The following KCNC1 variants were observed in gnomAD, a reference collection of about 807,000 sequenced individuals.
The protein encoded by KCNC1 is potassium voltage-gated channel subfamily C member 1.
A neutral mutation model predicts 43.4 loss-of-function variants in KCNC1; 8 were observed. That is an observed-to-expected ratio of 0.18 (90% confidence interval 0.11 to 0.33). The LOEUF (loss-of-function observed/expected upper bound fraction) is 0.33. Ranked by LOEUF, KCNC1 falls within the 10% of genes least tolerant of loss-of-function variation. KCNC1 has a pLI of 1.00. For missense variants in KCNC1, 420 were observed against 836.0 expected, an observed-to-expected ratio of 0.50 and a Z score of 6.14; for synonymous variants, 361 against 360.5, an observed-to-expected ratio of 1.00 and a Z score of -0.01.
rs1849319414 is a variant in KCNC1, at chr11:17,779,252, G to A, written c.1505-204G>A. The stretch of plus-strand genomic sequence containing the variant: ...AGGAGTCCCCACTCCCAGCACTGTG[G>A]GCAGCCCGAAGGCTGCCTGAATGAG... On this transcript the variant is annotated intron_variant, in intron 2 of 3. Transcript: ENST00000265969. This position sits in a 1 kb window ranked among gnomAD's most constrained non-coding sequence, Gnocchi z 7.2. 7.6e-6 allele frequency: 4 copies of A among 529,016 alleles called. No homozygotes were observed. In the East Asian group the frequency reaches 1.2e-4, roughly 16 times the overall value. 32.8% of individuals were successfully genotyped at this position (529,016 alleles called of 1,614,324 possible). A position where few individuals can be genotyped will look rare whatever the true frequency, so the allele number is the denominator to read the frequency against.
At chr11:17,767,137 A>G (rs11024392) in intron 1 of KCNC1, among the ~76,000 whole-genome samples, 16,735 of 150,942 alleles carry the variant, frequency 0.11, 1,043 homozygotes, top group African/African-American at 0.13. Context: ...GTCTTAAAAA[A>G]AAAAAAAAAT....
intron 1 of KCNC1, among the ~76,000 whole-genome samples, chr11:17,757,135 G>C (rs1849031695): frequency 6.6e-6 from 1 of 152,244 alleles, no homozygotes; most frequent in South Asian, 2.1e-4. Context: ...AGAGGACAGA[G>C]AAGCTCAACA....
intron 1 of KCNC1, among the ~76,000 whole-genome samples, chr11:17,749,473 T>C (rs1175667318): frequency 6.6e-6 from 1 of 152,180 alleles, no homozygotes; most frequent in Non-Finnish European, 1.5e-5. Flanking sequence ...TCTGCCCACA[T>C]AGGTGGTGGG....
intron 1 of KCNC1, among the ~76,000 whole-genome samples, chr11:17,747,910 C>G (rs113516213): frequency 3.9e-4 from 59 of 152,332 alleles, no homozygotes; most frequent in African/African-American, 1.3e-3. Context: ...ACAGAAAGCT[C>G]ACAACTCCTC....
rs1848854041 is a variant in KCNC1, at chr11:17,742,456, CA to C, written c.570+5885del. On this transcript the variant is annotated intron_variant, in intron 1 of 3. Coordinates refer to ENST00000265969, the MANE Select transcript of KCNC1 (RefSeq NM_001112741.2). The surrounding 1 kb of genome is among the most constrained non-coding windows in gnomAD (Gnocchi z 4.2). ...TGAGCGGTCTCATGACCAGGGGATT[CA>C]CTCTAGACCAAAAGGTCAGGGCCTT... Among the ~76,000 whole-genome samples, 1 of 152,188 alleles carries C rather than the reference CA, an allele frequency of 6.6e-6. No individual in the cohort carries two copies. Among genetic ancestry groups the C allele is most frequent in the Non-Finnish European group, 1.5e-5 (1 of 68,040 alleles).
At position 17,779,376 on chromosome 11, in the gene KCNC1, C is replaced by A. The variant is rs61882396; in HGVS notation, c.1505-80C>A. On this transcript the variant is annotated intron_variant, in intron 2 of 3. Coordinates refer to ENST00000265969, the MANE Select transcript of KCNC1 (RefSeq NM_001112741.2). The surrounding 1 kb of genome is among the most constrained non-coding windows in gnomAD (Gnocchi z 7.2). Reference sequence around the variant, plus strand: ...ACGCTCAAGCTGCCCTCTGCCAATACCCCGCTTCTGGCCTGTCCCCCCCTG... The same window carrying A: ...ACGCTCAAGCTGCCCTCTGCCAATAACCCGCTTCTGGCCTGTCCCCCCCTG... The A allele has an allele frequency of 0.087, 106,291 of 1,215,560 alleles. 5,160 individuals carry two copies. Among genetic ancestry groups the A allele is most frequent in the East Asian group, 0.18 (6,110 of 34,744 alleles). 75.3% of individuals were successfully genotyped at this position (1,215,560 alleles called of 1,614,324 possible).
At chr11:17,760,436 C>T (rs1268659776) in intron 1 of KCNC1, among the ~76,000 whole-genome samples, 4 of 152,256 alleles carry the variant, frequency 2.6e-5, no homozygotes, top group African/African-American at 4.8e-5. Flanking sequence ...CGTTAGCCTC[C>T]GTATTTATTT....
At chr11:17,770,067 T>G (rs1046225181) in intron 1 of KCNC1, among the ~76,000 whole-genome samples, 22 of 152,344 alleles carry the variant, frequency 1.4e-4, no homozygotes, top group African/African-American at 5.3e-4. Context: ...CCCTGCCAGG[T>G]TGAGTGTCAG....
intron 1 of KCNC1, among the ~76,000 whole-genome samples, chr11:17,755,924 G>A (rs1849017560): frequency 6.6e-6 from 1 of 151,582 alleles, no homozygotes; most frequent in Admixed American, 6.6e-5. Flanking sequence ...CAAGGACTGA[G>A]CTCCAGGGTG....
chr11:17,756,189 A>G (rs548882757), intron 1 of KCNC1, among the ~76,000 whole-genome samples: 1 of 152,260 alleles, frequency 6.6e-6, no homozygotes, highest in South Asian at 2.1e-4. Context: ...CAACCTCTGC[A>G]CAGTTGTCAC....
rs146049020 is a variant in KCNC1, at chr11:17,781,440, T to G, written c.1694-230T>G. The G allele has an allele frequency of 2.2e-4, 111 of 505,362 alleles. No homozygotes were observed. Among genetic ancestry groups the G allele is most frequent in the African/African-American group, 1.9e-3 (99 of 51,326 alleles). The allele number at this position is 505,362 out of a possible 1,614,324, so 31.3% of individuals were successfully genotyped here. ...GCCAGAAGGCATGCAGGTGTGTGAG[T>G]CAATGTGCAGAGCAGAAGTAGGGAC... On this transcript the variant is annotated intron_variant, in intron 3 of 3. Transcript: ENST00000265969. The surrounding 1 kb of genome is among the most constrained non-coding windows in gnomAD (Gnocchi z 5.1).
chr11:17,739,002 C>T lies in KCNC1; in HGVS notation c.570+2430C>T, dbSNP rs924301701. Among the ~76,000 whole-genome samples, 5 of 152,238 alleles carry T rather than the reference C, an allele frequency of 3.3e-5. No individual in the cohort carries two copies. Among genetic ancestry groups the T allele is most frequent in the Admixed American group, 6.5e-5 (1 of 15,290 alleles). On this transcript the variant is annotated intron_variant, in intron 1 of 3. Coordinates refer to ENST00000265969, the MANE Select transcript of KCNC1 (RefSeq NM_001112741.2). This position sits in a 1 kb window ranked among gnomAD's most constrained non-coding sequence, Gnocchi z 4.2. ...CACTCGGGAGCTGAGGAGGGCAGAGCGGGATTAGAACCCCAGCTTCCTGCC... is the reference window on the plus strand; with the variant it reads ...CACTCGGGAGCTGAGGAGGGCAGAGTGGGATTAGAACCCCAGCTTCCTGCC...
At chr11:17,768,834 G>T (rs1393017267) in intron 1 of KCNC1, among the ~76,000 whole-genome samples, 1 of 152,254 alleles carries the variant, frequency 6.6e-6, no homozygotes, top group Non-Finnish European at 1.5e-5. Flanking sequence ...GAGTCTCTGG[G>T]CTGTGAACGC....
intron 1 of KCNC1, among the ~76,000 whole-genome samples, chr11:17,744,355 G>A (rs2133781930): frequency 6.6e-6 from 1 of 152,226 alleles, no homozygotes; most frequent in South Asian, 2.1e-4. Flanking sequence ...CCTGGCAAAG[G>A]TCCTGGCCCA....
At chr11:17,752,522 G>A (rs551889494) in intron 1 of KCNC1, among the ~76,000 whole-genome samples, 69 of 152,314 alleles carry the variant, frequency 4.5e-4, no homozygotes, top group African/African-American at 1.3e-3. Context: ...CCCCACCCTC[G>A]TGCAAACTCA....
At chr11:17,778,772 G>A (rs868177203) in intron 2 of KCNC1, among the ~76,000 whole-genome samples, 1 of 151,840 alleles carries the variant, frequency 6.6e-6, no homozygotes, top group Non-Finnish European at 1.5e-5. Flanking sequence ...CTGTGTGACC[G>A]GGCCTAGCCT....
At position 17,736,347 on chromosome 11, in the gene KCNC1, C is replaced by G. The variant is rs757835303; in HGVS notation, c.345C>G (p.Ala115=). 1.2e-6 allele frequency: 2 copies of G among 1,612,936 alleles called. No individual in the cohort carries two copies. Among genetic ancestry groups the G allele is most frequent in the Non-Finnish European group, 1.7e-6 (2 of 1,179,802 alleles). ...TGACGTACCGCCAGCACCGCGACGC[C>G]GAGGAGGCTCTGGACAGCTTCGGCG... ...CWMTYRQHRD[A]EEALDSFGGA... is the part of the protein sequence containing the mutation. Residue 115 remains alanine, a synonymous_variant, in exon 1 of 4, where the codon GCC becomes GCG. Coordinates refer to ENST00000265969, the MANE Select transcript of KCNC1 (RefSeq NM_001112741.2). The surrounding 1 kb of genome is among the most constrained non-coding windows in gnomAD (Gnocchi z 9.3).
At chr11:17,768,613 G>GGC (rs1849183077) in intron 1 of KCNC1, among the ~76,000 whole-genome samples, 1 of 10,574 alleles carries the variant, frequency 9.5e-5, no homozygotes, top group Non-Finnish European at 2.2e-4. Flanking sequence ...GGATGTTGGT[G>GGC]GGGGGGGGGG....
At chr11:17,775,995 GCTGGGCAGCGCTGA>G (rs1849282482) in intron 2 of KCNC1, 3 of 985,248 alleles carry the variant, frequency 3.0e-6, no homozygotes, top group Middle Eastern at 1.0e-3. Context: ...GGGGGAGGGA[GCTGGGCAGCGCTGA>G]CTAGGCGGCG....
Sources: gnomAD v4.1 joint callset for allele counts (sites outside exome capture counted in the v4.1 genomes callset) on GRCh38, gnomAD v4.1.1 for gene constraint, Gnocchi (gnomAD v3.1) non-coding constraint, MANE v1.5 for transcripts, NCBI Gene and HGNC (gene_info 2026-07-23, HGNC 2026-07-21) for gene names.